The following CAMK1D variants were observed in gnomAD, a reference collection of about 807,000 sequenced individuals.
CAMK1D encodes the protein calcium/calmodulin dependent protein kinase ID.
Under a neutral mutation model 47.7 loss-of-function variants are expected in CAMK1D, and 9 were observed. That is an observed-to-expected ratio of 0.19 (90% confidence interval 0.11 to 0.33). The LOEUF (loss-of-function observed/expected upper bound fraction) is 0.33. Among genes scored for constraint, CAMK1D ranks in the 10% least tolerant of loss-of-function variants. The probability of loss-of-function intolerance (pLI) is 1.00; values close to 1 mark genes in which losing one functional copy is unlikely to be tolerated. For missense variants in CAMK1D, 291 were observed against 488.7 expected (o/e 0.60, Z 3.81); for synonymous variants, 184 against 184.9 (o/e 0.99, Z 0.04).
chr10:12,783,420 G>A (rs1221583218), intron 5 of CAMK1D, among the ~76,000 whole-genome samples: 1 of 152,218 alleles, frequency 6.6e-6, no homozygotes. Flanking sequence ...AGAGAGGAGA[G>A]GCCACACAGA....
intron 1 of CAMK1D, among the ~76,000 whole-genome samples, chr10:12,402,273 G>A (rs923704071): frequency 2.6e-5 from 4 of 151,856 alleles, no homozygotes; most frequent in Admixed American, 2.6e-4. Context: ...TCAATCTGTT[G>A]CTCAGGCTGG....
intron 1 of CAMK1D, among the ~76,000 whole-genome samples, chr10:12,402,475 G>A (rs1425427380): frequency 1.3e-5 from 2 of 152,122 alleles, no homozygotes; most frequent in South Asian, 2.1e-4. Context: ...CAAGTGACCC[G>A]CCTGCCTCGG....
intron 6 of CAMK1D, among the ~76,000 whole-genome samples, chr10:12,803,311 AG>A (rs1838565321): frequency 6.6e-6 from 1 of 152,198 alleles, no homozygotes; most frequent in Non-Finnish European, 1.5e-5. Context: ...TGGAACCCTG[AG>A]GGGCAAGACC....
intron 2 of CAMK1D, among the ~76,000 whole-genome samples, chr10:12,590,603 G>A (rs1171785549): frequency 6.6e-6 from 1 of 152,118 alleles, no homozygotes; most frequent in African/African-American, 2.4e-5. Flanking sequence ...CATAATTATT[G>A]TTGAATGAAT....
intron 3 of CAMK1D, among the ~76,000 whole-genome samples, chr10:12,697,546 C>T (rs1833345621): frequency 6.6e-6 from 1 of 152,094 alleles, no homozygotes. Context: ...TTACAGGTGC[C>T]CACCGTCATG....
At chr10:12,587,627 C>T (rs1393102686) in intron 2 of CAMK1D, among the ~76,000 whole-genome samples, 3 of 151,532 alleles carry the variant, frequency 2.0e-5, no homozygotes, top group East Asian at 3.9e-4. Flanking sequence ...CTAACAAACA[C>T]AGCTGGAAGA....
At chr10:12,507,756 T>C (rs1265696924) in intron 1 of CAMK1D, among the ~76,000 whole-genome samples, 4 of 152,310 alleles carry the variant, frequency 2.6e-5, no homozygotes, top group South Asian at 2.1e-4. Flanking sequence ...CCCAATTCTT[T>C]TATTTCTCTC....
At chr10:12,405,068 G>A (rs1430694784) in intron 1 of CAMK1D, among the ~76,000 whole-genome samples, 1 of 152,172 alleles carries the variant, frequency 6.6e-6, no homozygotes, top group African/African-American at 2.4e-5. Context: ...AGAGGCTTCT[G>A]TTCTGGGGGT....
chr10:12,387,018 A>G (rs958935723), intron 1 of CAMK1D, among the ~76,000 whole-genome samples: 2 of 151,998 alleles, frequency 1.3e-5, no homozygotes, highest in African/African-American at 4.8e-5. Context: ...CCTGGCCAAC[A>G]TGGTGAAACC....
intron 1 of CAMK1D, among the ~76,000 whole-genome samples, 182 bp from the exon 2 acceptor site, chr10:12,553,043 G>A (rs188388216): frequency 1.5e-3 from 221 of 152,276 alleles, no homozygotes; most frequent in African/African-American, 5.0e-3. Flanking sequence ...GCGCCGGGCT[G>A]CCCCTGTGTA....
At chr10:12,589,400 C>T (rs1175659856) in intron 2 of CAMK1D, among the ~76,000 whole-genome samples, 2 of 152,326 alleles carry the variant, frequency 1.3e-5, no homozygotes, top group East Asian at 1.9e-4. Context: ...GGCTGACCAC[C>T]TCCATGTGGC....
In CAMK1D at chr10:12,502,462, G is replaced by A. The variant is rs567327331; in HGVS notation, c.93-50763G>A. Among the ~76,000 whole-genome samples the A allele has an allele frequency of 7.2e-5, 11 of 152,240 alleles. 1 individual carries two copies. The highest frequency in any genetic ancestry group is 2.2e-4 in the African/African-American group (9 of 41,534). ...CTGGGTTCAAGGCAGGTCCTCGGCC[G>A]CAGGACCTGGCCTCTACTGACCAGC... is the stretch of plus-strand genomic sequence containing the variant. On this transcript the variant is annotated intron_variant, in intron 1 of 10. Coordinates refer to ENST00000619168, the MANE Select transcript of CAMK1D (RefSeq NM_153498.4).
At chr10:12,576,391 C>T (rs1837489297) in intron 2 of CAMK1D, among the ~76,000 whole-genome samples, 1 of 152,146 alleles carries the variant, frequency 6.6e-6, no homozygotes, top group Non-Finnish European at 1.5e-5. Context: ...AGTTTTTCCA[C>T]TGACCGGAGG....
At chr10:12,516,021 C>G (rs914546787) in intron 1 of CAMK1D, among the ~76,000 whole-genome samples, 3 of 152,184 alleles carry the variant, frequency 2.0e-5, no homozygotes, top group Non-Finnish European at 4.4e-5. Context: ...ACAGTCTGTT[C>G]CTTTTCGTTG....
intron 1 of CAMK1D, among the ~76,000 whole-genome samples, chr10:12,549,698 C>G (rs1836515278): frequency 6.6e-6 from 1 of 152,220 alleles, no homozygotes; most frequent in Admixed American, 6.5e-5. Flanking sequence ...GCACGTGACT[C>G]TCTTGACATA....
chr10:12,546,731 G>A (rs1249253873), intron 1 of CAMK1D, among the ~76,000 whole-genome samples: 1 of 148,412 alleles, frequency 6.7e-6, no homozygotes, highest in African/African-American at 2.5e-5. Flanking sequence ...AACACCGCAT[G>A]TTCTCACTCA....
At chr10:12,432,560 T>G (rs921006541) in intron 1 of CAMK1D, among the ~76,000 whole-genome samples, 1 of 152,162 alleles carries the variant, frequency 6.6e-6, no homozygotes, top group Non-Finnish European at 1.5e-5. Flanking sequence ...AGTTAATGTG[T>G]GAATGAATGG....
chr10:12,772,044 A>T (rs1366322852), intron 5 of CAMK1D, among the ~76,000 whole-genome samples: 1 of 152,142 alleles, frequency 6.6e-6, no homozygotes, highest in Admixed American at 6.5e-5. Flanking sequence ...AGGAAAAAAA[A>T]AAAAAGCCAG....
intron 4 of CAMK1D, among the ~76,000 whole-genome samples, chr10:12,766,649 CT>C (rs1313193309): frequency 6.6e-6 from 1 of 152,078 alleles, no homozygotes; most frequent in Non-Finnish European, 1.5e-5. Context: ...GCCGAGGACT[CT>C]TTTACCCTCA....
Sources: allele counts gnomAD v4.1 joint callset (sites outside exome capture counted in the v4.1 genomes callset), GRCh38; gene constraint gnomAD v4.1.1; transcripts MANE v1.5; gene names NCBI Gene and HGNC (gene_info 2026-07-23, HGNC 2026-07-21).